AMPH: variants seen among roughly 807,000 people sequenced by gnomAD.
AMPH encodes amphiphysin (Stiff-Mann syndrome with breast cancer 128kD autoantigen).
A neutral mutation model predicts 99.1 loss-of-function variants in AMPH; 49 were observed. That is an observed-to-expected ratio of 0.49 (90% CI 0.39 to 0.63). The LOEUF (loss-of-function observed/expected upper bound fraction) is 0.63, where lower values mean the gene tolerates loss of function less well. Ranked by LOEUF, AMPH falls within the 20% of genes least tolerant of loss-of-function variation. AMPH has a pLI of 0.00. For missense variants in AMPH, 759 were observed against 863.4 expected (o/e 0.88, Z 1.52); for synonymous variants, 314 against 317.3 (o/e 0.99, Z 0.11).
At chr7:38,594,276 A>C (rs1159711265) in intron 1 of AMPH, among the ~76,000 whole-genome samples, 1 of 152,208 alleles carries the variant, frequency 6.6e-6, no homozygotes, top group African/African-American at 2.4e-5. Flanking sequence ...TGCGAGGTCC[A>C]TATTACAAGA....
At chr7:38,402,999 A>C (rs560395285) in intron 17 of AMPH, among the ~76,000 whole-genome samples, 2 of 152,172 alleles carry the variant, frequency 1.3e-5, no homozygotes, top group African/African-American at 2.4e-5. Flanking sequence ...TCTTTTACAC[A>C]TCCCAATGAT....
chr7:38,415,197 G>C (rs2299946), intron 17 of AMPH, among the ~76,000 whole-genome samples: 1 of 151,878 alleles, frequency 6.6e-6, no homozygotes, highest in Non-Finnish European at 1.5e-5. Context: ...TGGAAACACC[G>C]TTAAAATTTC....
At chr7:38,550,297 A>T (rs1355805796) in intron 1 of AMPH, among the ~76,000 whole-genome samples, 1 of 152,208 alleles carries the variant, frequency 6.6e-6, no homozygotes, top group Non-Finnish European at 1.5e-5. Context: ...TACAATCCAC[A>T]ATTTAACAAG....
intron 13 of AMPH, 116 bp downstream of exon 13, chr7:38,432,073 A>G: frequency 1.1e-6 from 1 of 913,062 alleles, no homozygotes; most frequent in Non-Finnish European, 1.8e-6. Context: ...CTAGGGGACT[A>G]TATCATCATT....
intron 1 of AMPH, among the ~76,000 whole-genome samples, chr7:38,589,148 T>C (rs1000332955): frequency 1.3e-5 from 2 of 152,180 alleles, no homozygotes; most frequent in African/African-American, 4.8e-5. Flanking sequence ...AGTCTGACTA[T>C]CCAACATTAA....
rs578039853 is a variant in AMPH, at chr7:38,531,523, G to T, written c.150+3408C>A. On this transcript the variant is annotated intron_variant, in intron 2 of 20. Coordinates refer to ENST00000356264, the MANE Select transcript of AMPH (RefSeq NM_001635.4). ...AAACTTAGAGTTGGAATAAAATAAA[G>T]AAAAGCCCCAAGCCAGAGTTCAAAC... Among the ~76,000 whole-genome samples, 33 of 152,240 alleles carry T rather than the reference G, an allele frequency of 2.2e-4. No individual in the cohort carries two copies. The East Asian group carries it at 4.2e-3, about 20-fold the overall frequency.
At chr7:38,615,419 C>T (rs1258938153) in intron 1 of AMPH, among the ~76,000 whole-genome samples, 1 of 152,090 alleles carries the variant, frequency 6.6e-6, no homozygotes, top group East Asian at 1.9e-4. Flanking sequence ...GGAGATAAAA[C>T]CTGGAAGCCC....
chr7:38,534,870 T>C, intron 2 of AMPH, 61 bp downstream of exon 2: 2 of 1,433,720 alleles, frequency 1.4e-6, no homozygotes, highest in East Asian at 2.3e-5. Context: ...TTTACTTACA[T>C]ACTAAGACAC....
rs556106295 is a variant in AMPH at position 38,462,779 on chromosome 7, C to A, written c.888+196G>T. Among the ~76,000 whole-genome samples the A allele has an allele frequency of 7.9e-5, 12 of 152,130 alleles. 1 individual carries two copies. Among genetic ancestry groups the A allele is most frequent in the Non-Finnish European group, 1.8e-4 (12 of 68,016 alleles). Reference sequence around the variant, plus strand: ...AGTCCCAAAAAACTTGAATATAGGGCATGTGAGGAAATATCAAGTCAAATA... The same window carrying A: ...AGTCCCAAAAAACTTGAATATAGGGAATGTGAGGAAATATCAAGTCAAATA... On this transcript the variant is annotated intron_variant, in intron 10 of 20. Coordinates refer to ENST00000356264, the MANE Select transcript of AMPH (RefSeq NM_001635.4).
At chr7:38,397,487 C>A (rs1692016037) in intron 17 of AMPH, among the ~76,000 whole-genome samples, 1 of 152,190 alleles carries the variant, frequency 6.6e-6, no homozygotes, top group Non-Finnish European at 1.5e-5. Context: ...GGACTCCTAT[C>A]TTTTGCCATA....
chr7:38,394,539 T>C (rs1038595804), intron 17 of AMPH, among the ~76,000 whole-genome samples: 5 of 152,214 alleles, frequency 3.3e-5, no homozygotes, highest in African/African-American at 1.2e-4. Context: ...GCTATTTCCA[T>C]TTTTATTGGC....
At chr7:38,465,890 C>A (rs1367368578) in intron 8 of AMPH, among the ~76,000 whole-genome samples, 4 of 152,118 alleles carry the variant, frequency 2.6e-5, no homozygotes, top group Non-Finnish European at 5.9e-5. Context: ...ACTTTGAGAG[C>A]AATTTTTCAT....
chr7:38,587,303 G>A (rs1315974766), intron 1 of AMPH, among the ~76,000 whole-genome samples: 2 of 152,166 alleles, frequency 1.3e-5, no homozygotes, highest in African/African-American at 4.8e-5. Context: ...TGGGTCAGGA[G>A]GTTTCAAAGC....
chr7:38,407,338 T>C (rs1407796569), intron 17 of AMPH, among the ~76,000 whole-genome samples: 1 of 149,318 alleles, frequency 6.7e-6, no homozygotes, highest in African/African-American at 2.5e-5. Flanking sequence ...AGGGAAAATC[T>C]CTCTCTCTCT....
At chr7:38,472,299 T>C (rs1787915239) in intron 7 of AMPH, among the ~76,000 whole-genome samples, 1 of 152,282 alleles carries the variant, frequency 6.6e-6, no homozygotes, top group South Asian at 2.1e-4. Context: ...AAAGAACATA[T>C]GTATTTATGG....
intron 1 of AMPH, among the ~76,000 whole-genome samples, chr7:38,616,753 A>G (rs952535722): frequency 6.6e-6 from 1 of 152,222 alleles, no homozygotes; most frequent in Non-Finnish European, 1.5e-5. Context: ...AGTATATACT[A>G]TATGATTCCA....
chr7:38,592,414 T>C (rs1314782357), intron 1 of AMPH, among the ~76,000 whole-genome samples: 2 of 152,130 alleles, frequency 1.3e-5, no homozygotes, highest in African/African-American at 4.8e-5. Context: ...AGAAATGACC[T>C]TGGGTCCAGT....
At chr7:38,482,490 A>G (rs1480973218) in intron 5 of AMPH, among the ~76,000 whole-genome samples, 2 of 152,140 alleles carry the variant, frequency 1.3e-5, no homozygotes, top group Non-Finnish European at 2.9e-5. Flanking sequence ...ATAATCTGTC[A>G]TAATTTTATT....
chr7:38,567,175 G>A (rs1021171143), intron 1 of AMPH, among the ~76,000 whole-genome samples: 2 of 152,206 alleles, frequency 1.3e-5, no homozygotes, highest in African/African-American at 4.8e-5. Flanking sequence ...TAAAGAAAAT[G>A]TGGCACATAT....
Sources: gnomAD v4.1 joint callset for allele counts (sites outside exome capture counted in the v4.1 genomes callset) on GRCh38, gnomAD v4.1.1 for gene constraint, MANE v1.5 for transcripts, NCBI Gene and HGNC (gene_info 2026-07-23, HGNC 2026-07-21) for gene names.